Variants in AZI2 observed in about 807,000 individuals in gnomAD.
The protein encoded by AZI2 is 5-azacytidine induced 2.
AZI2 carries 22 observed loss-of-function variants against 45.8 expected under a neutral mutation model. That is an observed-to-expected ratio of 0.48 (90% confidence interval 0.34 to 0.69). AZI2 has a LOEUF of 0.69. AZI2 is among the 30% of genes least tolerant of loss of function. The pLI, the probability that AZI2 is intolerant of heterozygous loss-of-function variation, is 0.01. For missense variants in AZI2, 417 were observed against 441.5 expected, an observed-to-expected ratio of 0.94 and a Z score of 0.50; for synonymous variants, 137 against 156.7, an observed-to-expected ratio of 0.87 and a Z score of 0.94.
intron 6 of AZI2, among the ~76,000 whole-genome samples, chr3:28,328,780 G>C (rs1244181929): frequency 1.3e-5 from 2 of 151,198 alleles, no homozygotes; most frequent in African/African-American, 2.4e-5. Context: ...TGCAGTTAGT[G>C]TTTCCCACTT....
chr3:28,323,020 TAAG>T lies in AZI2; in HGVS notation c.*1019_*1021del, dbSNP rs1703236959. On this transcript the variant is annotated 3_prime_UTR_variant, in exon 8 of 8. Transcript: ENST00000479665. ...TTTCCAAATAATTGGCCACTTAGAA[TAAG>T]TGTGGACATTTCATGATCGACAATA... The T allele has an allele frequency of 1.0e-5, 1 of 95,802 alleles. No homozygotes were observed. The highest frequency in any genetic ancestry group is 2.9e-5 in the Non-Finnish European group (1 of 34,442). The allele number at this position is 95,802 out of a possible 1,614,324, so 5.9% of individuals were successfully genotyped here. A position where few individuals can be genotyped will look rare whatever the true frequency, so the allele number is the denominator to read the frequency against.
chr3:28,335,610 C>G (rs1703759952), intron 5 of AZI2, among the ~76,000 whole-genome samples: 1 of 151,842 alleles, frequency 6.6e-6, no homozygotes, highest in Admixed American at 6.6e-5. Flanking sequence ...TTCATTTGGC[C>G]AAGGACTAGG....
chr3:28,341,298 G>A (rs1230418907), intron 1 of AZI2, among the ~76,000 whole-genome samples: 2 of 151,882 alleles, frequency 1.3e-5, no homozygotes, highest in African/African-American at 4.8e-5. Flanking sequence ...ATATTTTATA[G>A]GTAGGTCTTA....
Position 28,323,309 on chromosome 3 carries a change from G to GGGTTACAAT in AZI2, c.*724_*732dup, listed in dbSNP as rs1443247409. 1 of 150,616 alleles carries GGGTTACAAT rather than the reference G, an allele frequency of 6.6e-6. No homozygotes were observed. The highest frequency in any genetic ancestry group is 1.5e-5 in the Non-Finnish European group (1 of 67,134). 9.3% of individuals were successfully genotyped at this position (150,616 alleles called of 1,614,324 possible). ...TCTACTACTTATTGAATAGTGTGTA[G>GGGTTACAAT]GGTTACAATCATTTGTTTACACCCC... On this transcript the variant is annotated 3_prime_UTR_variant, in exon 8 of 8. Coordinates refer to ENST00000479665, the MANE Select transcript of AZI2 (RefSeq NM_022461.5).
chr3:28,338,023 G>C lies in AZI2; in HGVS notation c.353C>G (p.Ser118Cys), dbSNP rs202144351. The C allele has an allele frequency of 1.3e-6, 2 of 1,580,862 alleles. No homozygotes were observed. The highest frequency in any genetic ancestry group is 1.7e-6 in the Non-Finnish European group (2 of 1,161,084). The change falls in exon 4 of 8, where the codon TCT becomes TGT. Residue 118 changes from serine to cysteine, a missense_variant. Physicochemically the swap from Ser to Cys is moderately radical, Grantham distance 112 (BLOSUM62 -1). Coordinates refer to ENST00000479665, the MANE Select transcript of AZI2 (RefSeq NM_022461.5). ...CTCATTCAATACTTTCAAAGATTCA[G>C]AGTTGTCTTTATTCTAGTTAAGTAG... ...SKLDKMNKDN[S>C]ESLKVLNEQL...
intron 1 of AZI2, among the ~76,000 whole-genome samples, chr3:28,343,037 T>A (rs779589271): frequency 5.3e-5 from 8 of 152,056 alleles, no homozygotes; most frequent in Non-Finnish European, 8.8e-5. Flanking sequence ...TCTAACTAGC[T>A]CAGCTGGGAT....
intron 2 of AZI2, 32 bp downstream of exon 2, chr3:28,340,370 C>G: frequency 7.2e-7 from 1 of 1,382,288 alleles, no homozygotes; most frequent in Non-Finnish European, 1.0e-6. Context: ...CCTTATGTCA[C>G]AAACGCAATG....
intron 6 of AZI2, 70 bp downstream of exon 6, chr3:28,332,299 C>CT (rs1410024916): frequency 1.6e-5 from 22 of 1,365,838 alleles, no homozygotes; most frequent in Non-Finnish European, 2.1e-5. Context: ...TAAAAGAAAT[C>CT]TAAGGACCTA....
rs1378297494 is a variant in AZI2, at chr3:28,338,418, CTTCT to C, written c.339+71_339+74del. 8.5e-6 allele frequency: 12 copies of C among 1,417,026 alleles called. No individual in the cohort carries two copies. In the African/African-American group the frequency reaches 1.4e-4, roughly 17 times the overall value. The allele number at this position is 1,417,026 out of a possible 1,614,324, so 87.8% of individuals were successfully genotyped here. A position where few individuals can be genotyped will look rare whatever the true frequency, so the allele number is the denominator to read the frequency against. On this transcript the variant is annotated intron_variant, in intron 3 of 7. Transcript: ENST00000479665. ...TTACTAAATGTAAATATTTAACTTA[CTTCT>C]AATTTTAAACCTCTTGAAGGAGAAA...
intron 7 of AZI2, chr3:28,324,945 C>G (rs1703327685): frequency 6.6e-6 from 1 of 150,920 alleles, no homozygotes; most frequent in South Asian, 2.1e-4. Flanking sequence ...TCTTTGTCCA[C>G]AGGCAGTCCA....
At chr3:28,329,889 C>T (rs1034353995) in intron 6 of AZI2, among the ~76,000 whole-genome samples, 1 of 151,214 alleles carries the variant, frequency 6.6e-6, no homozygotes, top group Non-Finnish European at 1.5e-5. Context: ...GTGTGTAATG[C>T]ACTCTGGTAT....
At chr3:28,328,417 G>A (rs1703463377) in intron 6 of AZI2, among the ~76,000 whole-genome samples, 1 of 151,074 alleles carries the variant, frequency 6.6e-6, no homozygotes, top group East Asian at 1.9e-4. Context: ...ATTCAGTCAT[G>A]GTATGAATAA....
chr3:28,331,792 GTTAC>G, intron 6 of AZI2: 1 of 1,524,092 alleles, frequency 6.6e-7, no homozygotes. Flanking sequence ...CAGAATTGAA[GTTAC>G]TTAAGTAAAA....
chr3:28,347,221 T>A lies in AZI2; in HGVS notation c.-6+1380A>T, dbSNP rs947923647. Among the ~76,000 whole-genome samples the A allele has an allele frequency of 3.3e-5, 5 of 152,120 alleles. No homozygotes were observed. In the South Asian group the frequency reaches 1.0e-3, roughly 31 times the overall value. On this transcript the variant is annotated intron_variant, in intron 1 of 7. Transcript: ENST00000479665. Reference sequence around the variant, plus strand: ...ATTGGTTCTATTACTTCATGGATTATAAAAAAAACTTCAGCATTTTACTTA... The same window carrying A: ...ATTGGTTCTATTACTTCATGGATTAAAAAAAAAACTTCAGCATTTTACTTA...
In AZI2 at chr3:28,332,291, A is replaced by G. The variant is rs1703610098; in HGVS notation, c.647+78T>C. 11 of 1,308,328 alleles carry G rather than the reference A, an allele frequency of 8.4e-6. No homozygotes were observed. The South Asian group carries it at 1.4e-4, about 17-fold the overall frequency. 81.0% of individuals were successfully genotyped at this position (1,308,328 alleles called of 1,614,324 possible). ...TTTTTGTTTTTAAGGTTAAGTCATA[A>G]AAGAAATCTAAGGACCTACACAAAG... is the stretch of plus-strand genomic sequence containing the variant. On this transcript the variant is annotated intron_variant, in intron 6 of 7. Coordinates refer to ENST00000479665, the MANE Select transcript of AZI2 (RefSeq NM_022461.5).
At chr3:28,343,004 C>T (rs1412595405) in intron 1 of AZI2, among the ~76,000 whole-genome samples, 3 of 152,038 alleles carry the variant, frequency 2.0e-5, no homozygotes, top group Admixed American at 1.3e-4. Context: ...ATTGGGCTCA[C>T]GCACTTCTGT....
chr3:28,323,988 G>A lies in AZI2; in HGVS notation c.*54C>T. 6.7e-7 allele frequency: 1 copy of A among 1,502,184 alleles called. No individual in the cohort carries two copies. Among genetic ancestry groups the A allele is most frequent in the South Asian group, 1.3e-5 (1 of 76,874 alleles). The allele number at this position is 1,502,184 out of a possible 1,614,324, so 93.1% of individuals were successfully genotyped here. Reference sequence around the variant, plus strand: ...CAGTTTGTTAAATAATTTCTTGGGAGGACCACTGAAAGAGATAAGTGTCCT... The same window carrying A: ...CAGTTTGTTAAATAATTTCTTGGGAAGACCACTGAAAGAGATAAGTGTCCT... On this transcript the variant is annotated 3_prime_UTR_variant, in exon 8 of 8. Coordinates refer to ENST00000479665, the MANE Select transcript of AZI2 (RefSeq NM_022461.5).
At chr3:28,337,845 T>C (rs1027932201) in intron 4 of AZI2, 92 bp downstream of exon 4, 50 of 711,022 alleles carry the variant, frequency 7.0e-5, no homozygotes, top group Non-Finnish European at 1.3e-5. Flanking sequence ...GTTAAGGTCT[T>C]AGCATATGGA....
chr3:28,323,119 A>G lies in AZI2; in HGVS notation c.*923T>C, dbSNP rs1703241036. The G allele has an allele frequency of 6.6e-6, 1 of 151,140 alleles. No individual in the cohort carries two copies. The highest frequency in any genetic ancestry group is 6.6e-5 in the Admixed American group (1 of 15,100). 9.4% of individuals were successfully genotyped at this position (151,140 alleles called of 1,614,324 possible). A position where few individuals can be genotyped will look rare whatever the true frequency, so the allele number is the denominator to read the frequency against. On this transcript the variant is annotated 3_prime_UTR_variant, in exon 8 of 8. Coordinates refer to ENST00000479665, the MANE Select transcript of AZI2 (RefSeq NM_022461.5). ...TTAAATCACTTTCTCAATAAATAGA[A>G]TATTACATTTCAACACAAAGTCTAA...
Sources: gnomAD v4.1 joint callset for allele counts (sites outside exome capture counted in the v4.1 genomes callset) on GRCh38, gnomAD v4.1.1 for gene constraint, MANE v1.5 for transcripts, NCBI Gene and HGNC (gene_info 2026-07-23, HGNC 2026-07-21) for gene names.